Variants in TMEM267 observed in about 807,000 individuals in gnomAD.
TMEM267 encodes transmembrane protein 267, also known as transmembrane protein C5orf28.
A neutral mutation model predicts 19.3 loss-of-function variants in TMEM267; 20 were observed. The ratio of observed to expected loss-of-function variants is 1.04; its 90% confidence interval spans 0.73 to 1.51. TMEM267 has a LOEUF of 1.51. Ranked by LOEUF, TMEM267 falls within the 40% of genes most tolerant of loss-of-function variation. The pLI, the probability that TMEM267 is intolerant of heterozygous loss-of-function variation, is 0.00. For synonymous variants in TMEM267, 88 were observed against 90.3 expected (o/e 0.97, Z 0.15); for missense variants, 242 against 261.9 (o/e 0.92, Z 0.52).
chr5:43,471,303 T>C (rs1021497238), intron 1 of TMEM267, among the ~76,000 whole-genome samples: 1 of 151,828 alleles, frequency 6.6e-6, no homozygotes, highest in Non-Finnish European at 1.5e-5. Context: ...CACCAAAAAA[T>C]TGAAAAATTA....
Position 43,446,403 on chromosome 5 carries a change from T to A in TMEM267, c.467A>T (p.His156Leu). The change falls in exon 3 of 3, where the codon CAT becomes CTT. Residue 156 changes from histidine to leucine, a missense_variant. Physicochemically the swap from His to Leu is moderately conservative, Grantham distance 99 (BLOSUM62 -3). Transcript: ENST00000397080. ...ACCATGACGAATCCCATCTCGGATA[T>A]GATGTGAAGTCCAGGATATAAATAA... Reference protein sequence around the residue: ...WMLFISWTSHHIRDGIRHGLW... With the variant: ...WMLFISWTSHLIRDGIRHGLW... 6.2e-7 allele frequency: 1 copy of A among 1,614,076 alleles called. No homozygotes were observed. The highest frequency in any genetic ancestry group is 2.2e-5 in the East Asian group (1 of 44,870).
At position 43,453,697 on chromosome 5, in the gene TMEM267, A is replaced by C. The variant is rs748120615; in HGVS notation, c.273T>G (p.Asp91Glu). 6.2e-7 allele frequency: 1 copy of C among 1,614,120 alleles called. No individual in the cohort carries two copies. The highest frequency in any genetic ancestry group is 1.1e-5 in the South Asian group (1 of 91,086). ...ATCCAGCTAGAAAAAAGTGGTCTAC[A>C]TCAATAACAGAGGCTAAAAATCCAG... is the stretch of plus-strand genomic sequence containing the variant. ...ILAGFLASVI[D>E]VDHFFLAGSM... The change falls in exon 2 of 3, where the codon GAT (aspartate) becomes GAG (glutamate). Residue 91 changes from aspartate to glutamate, a missense_variant. Transcript: ENST00000397080.
chr5:43,476,420 C>G (rs1744423144), intron 1 of TMEM267, among the ~76,000 whole-genome samples: 1 of 151,484 alleles, frequency 6.6e-6, no homozygotes, highest in African/African-American at 2.4e-5. Flanking sequence ...CTGCAGACCG[C>G]TCTGCCACCT....
Position 43,453,689 on chromosome 5 carries a change from T to G in TMEM267, c.281A>C (p.His94Pro). ...GFLASVIDVD[H>P]FFLAGSMSLK... ...AGACATGGATCCAGCTAGAAAAAAG[T>G]GGTCTACATCAATAACAGAGGCTAA... The change falls in exon 2 of 3, where the codon CAC becomes CCC. Residue 94 changes from histidine to proline, a missense_variant. His to Pro is a moderately conservative substitution (Grantham distance 77). Coordinates refer to ENST00000397080, the MANE Select transcript of TMEM267 (RefSeq NM_022483.5). 2 of 1,613,888 alleles carry G rather than the reference T, an allele frequency of 1.2e-6. 1 individual carries two copies. Among genetic ancestry groups the G allele is most frequent in the Non-Finnish European group, 1.7e-6 (2 of 1,179,910 alleles).
intron 1 of TMEM267, among the ~76,000 whole-genome samples, chr5:43,462,396 T>A (rs1404835583): frequency 4.6e-5 from 7 of 152,034 alleles, no homozygotes; most frequent in Admixed American, 1.3e-4. Context: ...TCTACTAGCA[T>A]CAACACCATC....
At chr5:43,465,014 C>T (rs191225985) in intron 1 of TMEM267, among the ~76,000 whole-genome samples, 63 of 152,210 alleles carry the variant, frequency 4.1e-4, no homozygotes, top group South Asian at 8.3e-4. Flanking sequence ...TCAGAGTGAA[C>T]GGGCAACCTA....
chr5:43,448,346 T>A (rs1318827248), intron 2 of TMEM267, among the ~76,000 whole-genome samples: 1 of 152,246 alleles, frequency 6.6e-6, no homozygotes, highest in Admixed American at 6.5e-5. Context: ...ATATGTTAAG[T>A]TCATCATTGG....
At chr5:43,454,578 G>A (rs1186513014) in intron 1 of TMEM267, 1 of 152,142 alleles carries the variant, frequency 6.6e-6, no homozygotes, top group African/African-American at 2.4e-5. Context: ...TCTTCTTGGA[G>A]GCCATGGGCT....
intron 1 of TMEM267, among the ~76,000 whole-genome samples, chr5:43,469,094 C>G (rs1479391934): frequency 6.6e-6 from 1 of 152,070 alleles, no homozygotes; most frequent in African/African-American, 2.4e-5. Context: ...AAGTTTACAG[C>G]TATAAATGCC....
At chr5:43,477,025 G>GA (rs766177935) in intron 1 of TMEM267, among the ~76,000 whole-genome samples, 2,994 of 107,382 alleles carry the variant, frequency 0.028, 112 homozygotes, top group East Asian at 0.15. Flanking sequence ...GTCTGTACTA[G>GA]AAAAAAAAAA....
In TMEM267 at chr5:43,445,612, C is replaced by T. The variant is rs1038874722; in HGVS notation, c.*610G>A. On this transcript the variant is annotated 3_prime_UTR_variant, in exon 3 of 3. Transcript: ENST00000397080. ...AATAAGCTAGATCTAATGTTAGCTA[C>T]TGGATATTATAATGATGTGTCACAA... is the stretch of plus-strand genomic sequence containing the variant. The T allele has an allele frequency of 5.3e-5, 8 of 152,062 alleles. No individual in the cohort carries two copies. The highest frequency in any genetic ancestry group is 1.9e-4 in the African/African-American group (8 of 41,396). The allele number at this position is 152,062 out of a possible 1,614,324, so 9.4% of individuals were successfully genotyped here. A position where few individuals can be genotyped will look rare whatever the true frequency, so the allele number is the denominator to read the frequency against.
In TMEM267 at chr5:43,480,145, C is replaced by T. The variant is rs945515833; in HGVS notation, c.-75+3677G>A. 9.2e-5 allele frequency among the ~76,000 whole-genome samples: 14 copies of T among 152,206 alleles called. 1 individual carries two copies. In the South Asian group the frequency reaches 2.7e-3, roughly 29 times the overall value. On this transcript the variant is annotated intron_variant, in intron 1 of 2. Coordinates refer to ENST00000397080, the MANE Select transcript of TMEM267 (RefSeq NM_022483.5). ...TGAATTAATGGCCAACCCAGAGCAG[C>T]GGCAGCAGCAATATTCCCCTCCTTC...
chr5:43,459,629 T>G (rs1743140281), intron 1 of TMEM267, among the ~76,000 whole-genome samples: 1 of 152,126 alleles, frequency 6.6e-6, no homozygotes, highest in African/African-American at 2.4e-5. Context: ...CTGAAAAGGA[T>G]AAAATATTCA....
At chr5:43,462,651 A>C (rs1314626995) in intron 1 of TMEM267, among the ~76,000 whole-genome samples, 1 of 152,190 alleles carries the variant, frequency 6.6e-6, no homozygotes, top group East Asian at 1.9e-4. Context: ...CATACTGAAG[A>C]ATGCACCACA....
At chr5:43,462,360 C>T (rs1349435095) in intron 1 of TMEM267, among the ~76,000 whole-genome samples, 3 of 152,148 alleles carry the variant, frequency 2.0e-5, no homozygotes, top group Non-Finnish European at 2.9e-5. Context: ...ATACCTAAGT[C>T]ATCAATGCCC....
At chr5:43,449,714 A>G (rs1742467884) in intron 2 of TMEM267, among the ~76,000 whole-genome samples, 1 of 152,258 alleles carries the variant, frequency 6.6e-6, no homozygotes, top group Admixed American at 6.5e-5. Flanking sequence ...AATCCATATT[A>G]GTAAAATATA....
chr5:43,474,535 G>A (rs1405137104), intron 1 of TMEM267, among the ~76,000 whole-genome samples: 2 of 152,166 alleles, frequency 1.3e-5, no homozygotes, highest in African/African-American at 4.8e-5. Context: ...TGAGGCAGGT[G>A]GATCACCTGA....
intron 1 of TMEM267, among the ~76,000 whole-genome samples, chr5:43,475,421 T>C (rs1744356990): frequency 6.6e-6 from 1 of 152,136 alleles, no homozygotes; most frequent in Non-Finnish European, 1.5e-5. Context: ...AAATACCTAA[T>C]GTAGATGACA....
At chr5:43,467,527 G>A (rs1027158805) in intron 1 of TMEM267, among the ~76,000 whole-genome samples, 3 of 152,104 alleles carry the variant, frequency 2.0e-5, no homozygotes, top group Non-Finnish European at 2.9e-5. Context: ...TCAGTAAGAG[G>A]ATATAACAAT....
Sources: gnomAD v4.1 joint callset for allele counts (sites outside exome capture counted in the v4.1 genomes callset) on GRCh38, gnomAD v4.1.1 for gene constraint, MANE v1.5 for transcripts, NCBI Gene and HGNC (gene_info 2026-07-23, HGNC 2026-07-21) for gene names.